Variants in MMS22L observed in about 807,000 individuals in gnomAD.
The protein encoded by MMS22L is MMS22 like, DNA repair protein.
Under a neutral mutation model 159.1 loss-of-function variants are expected in MMS22L, and 74 were observed. The observed-to-expected ratio is 0.47, with a 90% CI of 0.39 to 0.56. The LOEUF is 0.56. Among genes scored for constraint, MMS22L ranks in the 20% least tolerant of loss-of-function variants. MMS22L has a pLI of 0.00. For missense variants in MMS22L, 1,351 were observed against 1,422.1 expected (o/e 0.95, Z 0.80); for synonymous variants, 517 against 506.9 (o/e 1.02, Z -0.27).
In MMS22L at chr6:97,263,337, C is replaced by T; in HGVS notation, c.940G>A (p.Glu314Lys). ...AACACATCAATTTTCCAACTTACTT[C>T]CGAGACAAACCATTTACTTCTGTGG... ...LDHRSKWFVSESFWNWLNKLL... is the reference protein window; with the variant it reads ...LDHRSKWFVSKSFWNWLNKLL... Residue 314 changes from glutamate (E) to lysine (K), a missense_variant and splice_region_variant, in exon 9 of 25, where the codon GAA becomes AAA. Glu to Lys is a moderately conservative substitution (Grantham distance 56, BLOSUM62 1). Transcript: ENST00000683635. 1 of 1,570,958 alleles carries T rather than the reference C, an allele frequency of 6.4e-7. No homozygotes were observed. The highest frequency in any genetic ancestry group is 8.6e-7 in the Non-Finnish European group (1 of 1,156,930).
At chr6:97,152,532 T>C (rs1025803788) in intron 22 of MMS22L, among the ~76,000 whole-genome samples, 1 of 152,102 alleles carries the variant, frequency 6.6e-6, no homozygotes, top group East Asian at 1.9e-4. Flanking sequence ...TCTTATGTTG[T>C]TTTTGACACA....
chr6:97,237,462 A>G (rs1276691270), intron 11 of MMS22L, among the ~76,000 whole-genome samples: 1 of 152,192 alleles, frequency 6.6e-6, no homozygotes, highest in African/African-American at 2.4e-5. Flanking sequence ...CCCTTACTAG[A>G]TAAGTGGCCT....
At chr6:97,256,431 T>C (rs1813817704) in intron 9 of MMS22L, among the ~76,000 whole-genome samples, 2 of 152,218 alleles carry the variant, frequency 1.3e-5, no homozygotes, top group African/African-American at 2.4e-5. Context: ...TCCTTCTACA[T>C]GTCAGAATTC....
chr6:97,178,352 C>A, intron 18 of MMS22L, 91 bp downstream of exon 18: 1 of 977,972 alleles, frequency 1.0e-6, no homozygotes, highest in South Asian at 2.2e-5. Flanking sequence ...TATAAGAATT[C>A]ATTTTATAGA....
chr6:97,203,305 A>AT (rs1413158511), intron 14 of MMS22L, among the ~76,000 whole-genome samples: 8 of 149,350 alleles, frequency 5.4e-5, no homozygotes, highest in African/African-American at 2.0e-4. Context: ...TTATTTATTT[A>AT]TTTATTTTTT....
chr6:97,185,364 ATCAAGTCTTTATT>A (rs1205018825), intron 15 of MMS22L, among the ~76,000 whole-genome samples: 3 of 152,126 alleles, frequency 2.0e-5, no homozygotes, highest in African/African-American at 4.8e-5. Flanking sequence ...CTCCTAAACT[ATCAAGTCTTTATT>A]TCAAATCAAA....
At chr6:97,239,642 G>C (rs980721031) in intron 11 of MMS22L, among the ~76,000 whole-genome samples, 1 of 152,206 alleles carries the variant, frequency 6.6e-6, no homozygotes, top group Admixed American at 6.5e-5. Flanking sequence ...GCTGGGTGCG[G>C]TGGCTCCCAT....
At chr6:97,247,819 T>G (rs886402055) in intron 10 of MMS22L, among the ~76,000 whole-genome samples, 1 of 152,184 alleles carries the variant, frequency 6.6e-6, no homozygotes, top group African/African-American at 2.4e-5. Flanking sequence ...ATCCCTGTTA[T>G]AAAGAATATG....
At chr6:97,164,831 C>T (rs550561458) in intron 21 of MMS22L, among the ~76,000 whole-genome samples, 290 of 152,042 alleles carry the variant, frequency 1.9e-3, no homozygotes, top group Non-Finnish European at 2.7e-3. Context: ...GATGGCCAGG[C>T]TGGTCTCGAA....
Position 97,146,722 on chromosome 6 carries a change from C to A in MMS22L, c.*84G>T. ...AAATTATTTTAAACAGAACATTATA[C>A]AATTAATTAAAAGTAGGAATTAGAG... On this transcript the variant is annotated 3_prime_UTR_variant, in exon 25 of 25. Coordinates refer to ENST00000683635, the MANE Select transcript of MMS22L (RefSeq NM_001350599.2). 1 of 897,278 alleles carries A rather than the reference C, an allele frequency of 1.1e-6. No homozygotes were observed. Among genetic ancestry groups the A allele is most frequent in the Non-Finnish European group, 1.7e-6 (1 of 590,766 alleles). The allele number at this position is 897,278 out of a possible 1,614,324, so 55.6% of individuals were successfully genotyped here.
intron 23 of MMS22L, chr6:97,151,446 T>C (rs1801307646): frequency 6.7e-6 from 2 of 298,498 alleles, no homozygotes; most frequent in East Asian, 1.7e-4. Context: ...CTCTATTTGA[T>C]GGTCACACAA....
intron 22 of MMS22L, among the ~76,000 whole-genome samples, chr6:97,161,536 AG>A (rs1205474396): frequency 6.6e-6 from 1 of 151,978 alleles, no homozygotes; most frequent in African/African-American, 2.4e-5. Context: ...AATCACTGGA[AG>A]TAAGGCTGAT....
chr6:97,198,130 C>T (rs180841456), intron 14 of MMS22L, among the ~76,000 whole-genome samples: 47 of 152,202 alleles, frequency 3.1e-4, no homozygotes, highest in African/African-American at 1.1e-3. Context: ...GGAATACTCA[C>T]TTTTAGAGCC....
chr6:97,181,318 C>G (rs548411026), intron 16 of MMS22L, among the ~76,000 whole-genome samples: 1 of 152,256 alleles, frequency 6.6e-6, no homozygotes, highest in East Asian at 1.9e-4. Flanking sequence ...CCTGACCACT[C>G]TACACTATTT....
chr6:97,275,796 G>A (rs1437630442), intron 4 of MMS22L, among the ~76,000 whole-genome samples: 1 of 152,114 alleles, frequency 6.6e-6, no homozygotes, highest in Non-Finnish European at 1.5e-5. Context: ...CTTGAGCCCA[G>A]AAGTTTGAGA....
In MMS22L at chr6:97,188,617, A is replaced by G. The variant is rs1805504814; in HGVS notation, c.2040-1927T>C. 2.0e-5 allele frequency among the ~76,000 whole-genome samples: 3 copies of G among 152,126 alleles called. No homozygotes were observed. The South Asian group carries it at 6.2e-4, about 32-fold the overall frequency. ...TTTCTTTTTACACACTAAGACATGC[A>G]CCCTTATGCGCCTACACATACACAA... On this transcript the variant is annotated intron_variant, in intron 14 of 24. Coordinates refer to ENST00000683635, the MANE Select transcript of MMS22L (RefSeq NM_001350599.2).
intron 11 of MMS22L, among the ~76,000 whole-genome samples, chr6:97,242,617 T>G (rs1179138021): frequency 1.3e-5 from 2 of 152,188 alleles, no homozygotes; most frequent in African/African-American, 4.8e-5. Context: ...TAAGGTACTA[T>G]TCTATTCACT....
intron 11 of MMS22L, among the ~76,000 whole-genome samples, chr6:97,240,559 T>C (rs1223405454): frequency 6.6e-6 from 1 of 152,196 alleles, no homozygotes; most frequent in Non-Finnish European, 1.5e-5. Flanking sequence ...GAATAAGTTC[T>C]TTAGTGGTGA....
chr6:97,200,787 T>TA (rs1192931153), intron 14 of MMS22L, among the ~76,000 whole-genome samples: 1 of 152,114 alleles, frequency 6.6e-6, no homozygotes, highest in Non-Finnish European at 1.5e-5. Context: ...AATGGAAAGA[T>TA]ACTTGCTTAC....
Sources: allele counts gnomAD v4.1 joint callset (sites outside exome capture counted in the v4.1 genomes callset), GRCh38; gene constraint gnomAD v4.1.1; transcripts MANE v1.5; gene names NCBI Gene and HGNC (gene_info 2026-07-23, HGNC 2026-07-21).